Variants in IQCJ observed in about 807,000 individuals in gnomAD.
The protein encoded by IQCJ is IQ domain-containing protein J.
A neutral mutation model predicts 11.0 loss-of-function variants in IQCJ; 9 were observed. The ratio of observed to expected loss-of-function variants is 0.82; its 90% CI spans 0.49 to 1.43. The LOEUF is 1.43. Ranked by LOEUF, IQCJ falls within the 40% of genes most tolerant of loss-of-function variation. The pLI, the probability that IQCJ is intolerant of heterozygous loss-of-function variation, is 0.00. For synonymous variants in IQCJ, 55 were observed against 51.3 expected (o/e 1.07, Z -0.31); for missense variants, 146 against 133.2 (o/e 1.10, Z -0.47).
chr3:159,221,200 C>A (rs928757804), intron 1 of IQCJ, among the ~76,000 whole-genome samples: 2 of 152,110 alleles, frequency 1.3e-5, no homozygotes, highest in African/African-American at 2.4e-5. Context: ...GTCCACCATT[C>A]TATGTGATCC....
chr3:159,091,697 CA>C (rs1717323017), intron 1 of IQCJ, among the ~76,000 whole-genome samples: 1 of 150,646 alleles, frequency 6.6e-6, no homozygotes, highest in Non-Finnish European at 1.5e-5. Context: ...CACACACACA[CA>C]CACACACACA....
chr3:159,116,106 A>G (rs1718980684), intron 1 of IQCJ, among the ~76,000 whole-genome samples: 1 of 152,132 alleles, frequency 6.6e-6, no homozygotes, highest in Non-Finnish European at 1.5e-5. Context: ...TGGGTGGGGC[A>G]CAACTGTGGT....
intron 1 of IQCJ, among the ~76,000 whole-genome samples, chr3:159,164,356 T>C (rs1337948407): frequency 6.6e-6 from 1 of 152,242 alleles, no homozygotes; most frequent in Non-Finnish European, 1.5e-5. Flanking sequence ...CCATATTTTC[T>C]TTGCTACTGA....
chr3:159,165,918 G>A (rs943653891), intron 1 of IQCJ, among the ~76,000 whole-genome samples: 2 of 150,512 alleles, frequency 1.3e-5, no homozygotes, highest in Admixed American at 6.7e-5. Context: ...ATGAGCCACC[G>A]CGCCCGGCCA....
chr3:159,107,795 G>A (rs1463542152), intron 1 of IQCJ, among the ~76,000 whole-genome samples: 1 of 152,092 alleles, frequency 6.6e-6, no homozygotes, highest in Non-Finnish European at 1.5e-5. Context: ...GTAAGTGGGG[G>A]ACATGAGCAC....
chr3:159,170,381 C>T lies in IQCJ; in HGVS notation c.10-75462C>T, dbSNP rs777007372. Among the ~76,000 whole-genome samples, 3 of 152,136 alleles carry T rather than the reference C, an allele frequency of 2.0e-5. No individual in the cohort carries two copies. The East Asian group carries it at 5.8e-4, about 29-fold the overall frequency. ...CAATATCAACACCCCCCAACTGCTT[C>T]TCCTCCAGCTAGAATAACAATTTAT... On this transcript the variant is annotated intron_variant, in intron 1 of 3. Transcript: ENST00000397832.
chr3:159,069,843 TTGTGTGTGTGTGTGTG>T (rs34425057), intron 1 of IQCJ: 37 of 300,604 alleles, frequency 1.2e-4, no homozygotes, highest in South Asian at 4.6e-4. Context: ...CCCTCCTTTC[TTGTGTGTGTGTGTGTG>T]TGTGTGTGTG....
intron 1 of IQCJ, among the ~76,000 whole-genome samples, chr3:159,169,490 A>G (rs1456441730): frequency 6.6e-6 from 1 of 151,322 alleles, no homozygotes; most frequent in Non-Finnish European, 1.5e-5. Flanking sequence ...TGGTTTCACC[A>G]TGTTGGTCAG....
chr3:159,131,332 T>C (rs1719977110), intron 1 of IQCJ, among the ~76,000 whole-genome samples: 1 of 151,598 alleles, frequency 6.6e-6, no homozygotes, highest in Non-Finnish European at 1.5e-5. Flanking sequence ...AGTCCCTCTC[T>C]ACTTTTCTCC....
At chr3:159,211,559 C>G (rs546058942) in intron 1 of IQCJ, among the ~76,000 whole-genome samples, 2 of 152,204 alleles carry the variant, frequency 1.3e-5, no homozygotes, top group East Asian at 3.9e-4. Flanking sequence ...GTTTTTAGTT[C>G]TAAAGAGATG....
intron 2 of IQCJ, among the ~76,000 whole-genome samples, chr3:159,249,954 A>G (rs1258525986): frequency 6.6e-6 from 1 of 150,536 alleles, no homozygotes; most frequent in Non-Finnish European, 1.5e-5. Context: ...GCATGTGCCA[A>G]TAAACAGAGA....
intron 1 of IQCJ, among the ~76,000 whole-genome samples, chr3:159,168,921 G>A (rs1275693452): frequency 4.6e-5 from 7 of 151,908 alleles, no homozygotes; most frequent in Admixed American, 2.6e-4. Context: ...GCAGCAGAGA[G>A]AACAATTCTC....
intron 2 of IQCJ, among the ~76,000 whole-genome samples, chr3:159,250,629 T>C (rs1047929473): frequency 6.6e-6 from 1 of 152,178 alleles, no homozygotes; most frequent in South Asian, 2.1e-4. Context: ...TGCCCAGCAA[T>C]TGGGGGAAGC....
intron 1 of IQCJ, among the ~76,000 whole-genome samples, chr3:159,144,198 C>G (rs1347585499): frequency 1.3e-5 from 2 of 152,180 alleles, no homozygotes; most frequent in African/African-American, 4.8e-5. Context: ...AATTGATGTT[C>G]TGATAGATGA....
At chr3:159,126,314 G>T (rs1719676406) in intron 1 of IQCJ, among the ~76,000 whole-genome samples, 2 of 152,182 alleles carry the variant, frequency 1.3e-5, no homozygotes, top group South Asian at 4.1e-4. Flanking sequence ...TTAGGGCTGT[G>T]AAGAACAACA....
intron 1 of IQCJ, among the ~76,000 whole-genome samples, chr3:159,111,142 T>G (rs1718596715): frequency 6.6e-6 from 1 of 152,240 alleles, no homozygotes; most frequent in Admixed American, 6.5e-5. Context: ...ACATTTATAA[T>G]TTTAATATTC....
chr3:159,108,006 C>CAAAAAAAA (rs367862873), intron 1 of IQCJ, among the ~76,000 whole-genome samples: 2 of 100,938 alleles, frequency 2.0e-5, no homozygotes, highest in African/African-American at 4.0e-5. Flanking sequence ...TATGGTTTTC[C>CAAAAAAAA]AAAAAAAAAA....
At chr3:159,078,745 C>T (rs1716112768) in intron 1 of IQCJ, among the ~76,000 whole-genome samples, 1 of 152,040 alleles carries the variant, frequency 6.6e-6, no homozygotes, top group South Asian at 2.1e-4. Flanking sequence ...GTTAAGGAAC[C>T]TCTAATAAAA....
chr3:159,156,197 A>T (rs1045275073), intron 1 of IQCJ, among the ~76,000 whole-genome samples: 2 of 152,178 alleles, frequency 1.3e-5, no homozygotes, highest in Non-Finnish European at 2.9e-5. Flanking sequence ...GATCTTGGAG[A>T]CAAGAGAAAT....
Sources: allele counts gnomAD v4.1 joint callset (sites outside exome capture counted in the v4.1 genomes callset), GRCh38; gene constraint gnomAD v4.1.1; transcripts MANE v1.5; gene names NCBI Gene and HGNC (gene_info 2026-07-23, HGNC 2026-07-21).